Variants in FUT8 observed in about 807,000 individuals in gnomAD.
The protein encoded by FUT8 is fucosyltransferase 8, also known as alpha-(1,6)-fucosyltransferase.
FUT8 carries 29 observed loss-of-function variants against 71.3 expected under a neutral mutation model. The ratio of observed to expected loss-of-function variants is 0.41; its 90% CI spans 0.30 to 0.55. The LOEUF (loss-of-function observed/expected upper bound fraction) is 0.55, where lower values mean the gene tolerates loss of function less well. Ranked by LOEUF, FUT8 falls within the 20% of genes least tolerant of loss-of-function variation. The probability of loss-of-function intolerance (pLI) is 0.34; values close to 1 mark genes in which losing one functional copy is unlikely to be tolerated. For synonymous variants in FUT8, 254 were observed against 239.3 expected, an observed-to-expected ratio of 1.06 and a Z score of -0.57; for missense variants, 544 against 702.1, an observed-to-expected ratio of 0.77 and a Z score of 2.55.
At chr14:65,501,220 A>G (rs917818642) in intron 2 of FUT8, among the ~76,000 whole-genome samples, 1 of 152,328 alleles carries the variant, frequency 6.6e-6, no homozygotes, top group Non-Finnish European at 1.5e-5. Flanking sequence ...CTACAGAATT[A>G]CAAACAAAAA....
chr14:65,530,236 A>C (rs1183186422), intron 2 of FUT8, among the ~76,000 whole-genome samples: 1 of 152,134 alleles, frequency 6.6e-6, no homozygotes, highest in South Asian at 2.1e-4. Flanking sequence ...CACCTCCTAC[A>C]TACTACAGTC....
intron 7 of FUT8, among the ~76,000 whole-genome samples, chr14:65,692,058 C>A (rs1307129855): frequency 6.6e-6 from 1 of 151,788 alleles, no homozygotes; most frequent in Non-Finnish European, 1.5e-5. Flanking sequence ...ACCTTTCCCC[C>A]CTTTCTATTC....
the FUT8 span, among the ~76,000 whole-genome samples, chr14:65,378,558 TAA>T: frequency 6.6e-6 from 1 of 152,172 alleles, no homozygotes; most frequent in Non-Finnish European, 1.5e-5. Flanking sequence ...ATGTCACCCA[TAA>T]AGTCTTCCAG....
At chr14:65,621,841 T>C (rs1889630450) in intron 5 of FUT8, among the ~76,000 whole-genome samples, 1 of 152,008 alleles carries the variant, frequency 6.6e-6, no homozygotes, top group Non-Finnish European at 1.5e-5. Context: ...CTTTTTGTTT[T>C]TGAGATGGAG....
At chr14:65,637,609 A>C (rs980850015) in intron 6 of FUT8, among the ~76,000 whole-genome samples, 1 of 152,130 alleles carries the variant, frequency 6.6e-6, no homozygotes, top group African/African-American at 2.4e-5. Flanking sequence ...TTATTTATTT[A>C]TTTTGTGGAG....
At chr14:65,617,110 T>C (rs781528329) in intron 5 of FUT8, 2 of 1,597,646 alleles carry the variant, frequency 1.3e-6, no homozygotes, top group Non-Finnish European at 1.7e-6. Flanking sequence ...GCAATTACTG[T>C]CTCATTAGTG....
chr14:65,394,155 C>G, the FUT8 span, among the ~76,000 whole-genome samples: 1 of 152,128 alleles, frequency 6.6e-6, no homozygotes, highest in Non-Finnish European at 1.5e-5. Context: ...GACAAGGTTT[C>G]TCTATGTTGG....
the FUT8 span, among the ~76,000 whole-genome samples, chr14:65,386,503 C>CA: frequency 0.066 from 3,084 of 46,380 alleles, 260 homozygotes; most frequent in African/African-American, 0.087. Context: ...GACCTCGTCT[C>CA]AAAAAAAAAA....
rs1271717785 is a variant in FUT8 at position 65,731,074 on chromosome 14, G to C, written c.1260-2157G>C. 2.0e-5 allele frequency among the ~76,000 whole-genome samples: 3 copies of C among 152,324 alleles called. No individual in the cohort carries two copies. The East Asian group carries it at 5.8e-4, about 29-fold the overall frequency. On this transcript the variant is annotated intron_variant, in intron 9 of 10. Transcript: ENST00000673929. The stretch of plus-strand genomic sequence containing the variant: ...GTGAAACAAAGAATCAGCAATGAGT[G>C]GTGTATTTGTTCACTATTTTATTGA...
Position 65,669,251 on chromosome 14 carries a change from G to C in FUT8, c.606G>C (p.Lys202Asn), listed in dbSNP as rs1330175662. ...CTCTTTCTCCCTGACAGAATCCCAA[G>C]GACTGCAGCAAAGCCAAAAAGCTGG... ...QRRITYLQNP[K>N]DCSKAKKLVC... Residue 202 changes from lysine (K) to asparagine (N), a missense_variant, in exon 7 of 11, where the codon AAG (lysine) becomes AAC (asparagine). Lys to Asn is a moderately conservative substitution (Grantham distance 94). Transcript: ENST00000673929. This position sits in a 1 kb window ranked among gnomAD's most constrained non-coding sequence, Gnocchi z 4.5. The C allele has an allele frequency of 6.2e-7, 1 of 1,612,540 alleles. No homozygotes were observed. Among genetic ancestry groups the C allele is most frequent in the Admixed American group, 1.7e-5 (1 of 59,866 alleles).
intron 3 of FUT8, among the ~76,000 whole-genome samples, chr14:65,563,663 A>G (rs1259511819): frequency 6.6e-6 from 1 of 151,994 alleles, no homozygotes; most frequent in Non-Finnish European, 1.5e-5. Flanking sequence ...TTTTCCCCTT[A>G]ACAATTTAGA....
At chr14:65,696,597 T>C (rs1405460731) in intron 7 of FUT8, among the ~76,000 whole-genome samples, 2 of 152,124 alleles carry the variant, frequency 1.3e-5, no homozygotes, top group African/African-American at 2.4e-5. Flanking sequence ...CTAGGTTTTA[T>C]AGATTTGTGG....
At chr14:65,568,741 A>G (rs1011444622) in intron 3 of FUT8, among the ~76,000 whole-genome samples, 5 of 151,620 alleles carry the variant, frequency 3.3e-5, no homozygotes, top group Non-Finnish European at 5.9e-5. Flanking sequence ...CTGATCTAGT[A>G]TATATGTCAT....
intron 2 of FUT8, among the ~76,000 whole-genome samples, chr14:65,539,859 CTG>C (rs1230437964): frequency 3.3e-5 from 5 of 152,218 alleles, no homozygotes; most frequent in Non-Finnish European, 5.9e-5. Context: ...AAAGACCACA[CTG>C]TGTAACTCCA....
rs780975784 is a variant in FUT8 at position 65,669,440 on chromosome 14, A to G, written c.795A>G (p.Thr265=). The change falls in exon 7 of 11, where the codon ACA becomes ACG. Residue 265 remains threonine, a synonymous_variant. Transcript: ENST00000673929. The surrounding 1 kb of genome is among the most constrained non-coding windows in gnomAD (Gnocchi z 4.5). ...CTGTATTTAGGCCTGTAAGTGAGAC[A>G]TGCACAGACAGATCTGGCATCTCCA... ...WETVFRPVSE[T]CTDRSGISTG... is the part of the protein sequence containing the mutation. The G allele has an allele frequency of 1.1e-5, 17 of 1,613,686 alleles. No individual in the cohort carries two copies. The highest frequency in any genetic ancestry group is 1.2e-5 in the Non-Finnish European group (14 of 1,179,746).
intron 2 of FUT8, among the ~76,000 whole-genome samples, chr14:65,478,385 TTGGATTTG>T (rs2066279910): frequency 6.6e-6 from 1 of 152,148 alleles, no homozygotes; most frequent in Admixed American, 6.5e-5. Context: ...CTGGAGCATT[TTGGATTTG>T]TGGATTTGAG....
upstream of FUT8, among the ~76,000 whole-genome samples, chr14:65,407,037 G>A (rs567600347): frequency 2.0e-5 from 3 of 152,140 alleles, no homozygotes; most frequent in Non-Finnish European, 4.4e-5. Context: ...TTAGGTTCCC[G>A]CTGTAGTTGC....
intron 2 of FUT8, among the ~76,000 whole-genome samples, chr14:65,508,975 G>GT (rs994314802): frequency 6.6e-6 from 1 of 152,086 alleles, no homozygotes; most frequent in African/African-American, 2.4e-5. Context: ...TGCTTGTGGG[G>GT]TATTACTTAA....
At chr14:65,515,848 C>T (rs1460516821) in intron 2 of FUT8, among the ~76,000 whole-genome samples, 1 of 152,148 alleles carries the variant, frequency 6.6e-6, no homozygotes, top group Non-Finnish European at 1.5e-5. Flanking sequence ...AAATGTGAAT[C>T]ACTTTTATAA....
Sources: gnomAD v4.1 joint callset for allele counts (sites outside exome capture counted in the v4.1 genomes callset) on GRCh38, gnomAD v4.1.1 for gene constraint, Gnocchi (gnomAD v3.1) non-coding constraint, MANE v1.5 for transcripts, NCBI Gene and HGNC (gene_info 2026-07-23, HGNC 2026-07-21) for gene names.